The following BLTP2 variants were observed in gnomAD, a reference collection of about 807,000 sequenced individuals.
BLTP2 encodes bridge-like lipid transfer protein family member 2.
At chr17:28,642,829 A>G in the BLTP2 span, 5 of 1,175,610 alleles carry the variant, frequency 4.3e-6, no homozygotes, top group African/African-American at 7.6e-5. Context: ...ACTCTGAGGC[A>G]AGAATAGGAC....
At chr17:28,615,035 C>T in the BLTP2 span, 2 of 1,594,112 alleles carry the variant, frequency 1.3e-6, no homozygotes, top group Admixed American at 3.4e-5. Context: ...AGAGTCAGAT[C>T]CTGTACTGCA....
chr17:28,614,885 G>T, the BLTP2 span: 11 of 653,928 alleles, frequency 1.7e-5, no homozygotes, highest in Non-Finnish European at 2.9e-5. Flanking sequence ...GTGTGAGACA[G>T]AACTCAGCAT....
At chr17:28,636,310 T>C in the BLTP2 span, among the ~76,000 whole-genome samples, 8 of 152,172 alleles carry the variant, frequency 5.3e-5, no homozygotes, top group Admixed American at 1.3e-4. Flanking sequence ...GGGTCCCATG[T>C]CCATTTGTTA....
chr17:28,642,664 A>T, the BLTP2 span, among the ~76,000 whole-genome samples: 10 of 152,146 alleles, frequency 6.6e-5, no homozygotes, highest in East Asian at 1.9e-4. Context: ...AAAAAAATTT[A>T]AAAAAAAGAG....
the BLTP2 span, chr17:28,620,759 A>G: frequency 9.2e-7 from 1 of 1,085,882 alleles, no homozygotes; most frequent in East Asian, 2.4e-5. Flanking sequence ...GCTCATGGGC[A>G]GAAACATGTT....
At chr17:28,628,410 A>C in the BLTP2 span, 1 of 1,614,196 alleles carries the variant, frequency 6.2e-7, no homozygotes, top group Non-Finnish European at 8.5e-7. Flanking sequence ...CCTCAGTAGA[A>C]AGATTACGTT....
At chr17:28,622,332 A>G in the BLTP2 span, among the ~76,000 whole-genome samples, 1 of 152,216 alleles carries the variant, frequency 6.6e-6, no homozygotes, top group Non-Finnish European at 1.5e-5. Flanking sequence ...ACGGCTTAAC[A>G]TCTGATCTAA....
chr17:28,620,923 C>G, the BLTP2 span: 9 of 1,451,478 alleles, frequency 6.2e-6, no homozygotes, highest in Non-Finnish European at 8.6e-6. Context: ...TCAAAACCAC[C>G]AAGGAAATAA....
At chr17:28,633,541 C>T in the BLTP2 span, 1 of 1,613,688 alleles carries the variant, frequency 6.2e-7, no homozygotes, top group Admixed American at 1.7e-5. Context: ...TATCATGACA[C>T]CCCTCACCTC....
the BLTP2 span, chr17:28,623,636 G>C: frequency 1.3e-6 from 1 of 765,888 alleles, no homozygotes; most frequent in South Asian, 1.8e-5. Flanking sequence ...CACATTCAAG[G>C]TGTTATTAGC....
At chr17:28,628,650 G>A in the BLTP2 span, 1 of 1,096,750 alleles carries the variant, frequency 9.1e-7, no homozygotes, top group African/African-American at 1.6e-5. Context: ...TAAGAAACCT[G>A]TTGGCCAGAT....
At chr17:28,624,096 G>T in the BLTP2 span, 2 of 1,343,382 alleles carry the variant, frequency 1.5e-6, no homozygotes, top group Non-Finnish European at 2.1e-6. Flanking sequence ...AGACATAGAA[G>T]TGATTACCTA....
chr17:28,623,632 C>T, the BLTP2 span: 1 of 744,032 alleles, frequency 1.3e-6, no homozygotes, highest in Non-Finnish European at 2.2e-6. Context: ...TGCCCACATT[C>T]AAGGTGTTAT....
At chr17:28,640,104 T>C in the BLTP2 span, 2 of 1,532,220 alleles carry the variant, frequency 1.3e-6, no homozygotes, top group Non-Finnish European at 1.8e-6. Flanking sequence ...TTAAAAGTAA[T>C]TATTTTTTGG....
the BLTP2 span, chr17:28,640,441 C>A: frequency 1.9e-6 from 2 of 1,046,464 alleles, no homozygotes; most frequent in South Asian, 1.4e-5. Flanking sequence ...ATGGATGTAA[C>A]CATTTCTACT....
At chr17:28,615,411 ACC>A in the BLTP2 span, among the ~76,000 whole-genome samples, 16 of 152,178 alleles carry the variant, frequency 1.1e-4, no homozygotes, top group Non-Finnish European at 2.2e-4. Context: ...TCTAATTATA[ACC>A]CCTTCTAAAC....
the BLTP2 span, chr17:28,643,454 T>G: frequency 2.2e-6 from 3 of 1,351,048 alleles, no homozygotes; most frequent in Non-Finnish European, 3.1e-6. Flanking sequence ...ATCAATATCT[T>G]CCTCACAACA....
the BLTP2 span, chr17:28,619,875 C>T: frequency 1.2e-6 from 2 of 1,613,822 alleles, no homozygotes; most frequent in East Asian, 2.2e-5. Flanking sequence ...TGATAGAATA[C>T]ATCTGCTTCT....
chr17:28,643,707 C>T, the BLTP2 span: 10 of 1,549,502 alleles, frequency 6.5e-6, no homozygotes, highest in Non-Finnish European at 8.9e-6. Flanking sequence ...CTAAATAAGC[C>T]ACGAGCAGCT....
Sources: gnomAD v4.1 joint callset for allele counts (sites outside exome capture counted in the v4.1 genomes callset) on GRCh38, gnomAD v4.1.1 for gene constraint, MANE v1.5 for transcripts, NCBI Gene and HGNC (gene_info 2026-07-23, HGNC 2026-07-21) for gene names.